The following LRRC4C variants were observed in gnomAD, a reference collection of about 807,000 sequenced individuals.
The protein encoded by LRRC4C is leucine-rich repeat-containing protein 4C.
A neutral mutation model predicts 33.6 loss-of-function variants in LRRC4C; 5 were observed. The observed-to-expected ratio is 0.15, with a 90% CI of 0.08 to 0.31. The LOEUF is 0.31. Among genes scored for constraint, LRRC4C ranks in the 10% least tolerant of loss-of-function variants. The pLI is 1.00. For synonymous variants in LRRC4C, 329 were observed against 302.0 expected, an observed-to-expected ratio of 1.09 and a Z score of -0.93; for missense variants, 560 against 796.7, an observed-to-expected ratio of 0.70 and a Z score of 3.58.
intron 3 of LRRC4C, among the ~76,000 whole-genome samples, chr11:40,525,006 G>A (rs949228347): frequency 3.3e-5 from 5 of 152,130 alleles, no homozygotes; most frequent in Non-Finnish European, 5.9e-5. Context: ...TATAAAGAAT[G>A]GGTAGTGATT....
intron 1 of LRRC4C, among the ~76,000 whole-genome samples, chr11:41,211,480 G>C (rs1325891104): frequency 2.7e-5 from 4 of 150,822 alleles, no homozygotes; most frequent in Non-Finnish European, 5.9e-5. Context: ...CCCTCCCCCT[G>C]CCCCCCATCC....
intron 3 of LRRC4C, among the ~76,000 whole-genome samples, chr11:40,500,206 T>C (rs1590928357): frequency 1.3e-5 from 2 of 149,318 alleles, no homozygotes; most frequent in Admixed American, 1.4e-4. Context: ...TGGATTATAA[T>C]GCCAATGGCA....
At chr11:41,345,835 G>A (rs929284199) in intron 1 of LRRC4C, among the ~76,000 whole-genome samples, 1 of 152,044 alleles carries the variant, frequency 6.6e-6, no homozygotes, top group African/African-American at 2.4e-5. Context: ...GCTTCCTGAT[G>A]AATTCTATAA....
chr11:40,924,441 CTAG>C (rs58367287), intron 2 of LRRC4C, among the ~76,000 whole-genome samples: 41,515 of 151,474 alleles, frequency 0.27, 5,769 homozygotes, highest in East Asian at 0.34. Flanking sequence ...TTAAAAAATA[CTAG>C]TAGTCTGGGC....
intron 1 of LRRC4C, among the ~76,000 whole-genome samples, chr11:41,282,009 T>A (rs1039198867): frequency 6.6e-6 from 1 of 152,208 alleles, no homozygotes; most frequent in Admixed American, 6.5e-5. Context: ...CCTTGGTGGA[T>A]GTGTGATGTG....
intron 1 of LRRC4C, among the ~76,000 whole-genome samples, chr11:41,235,306 C>T (rs1230894795): frequency 7.1e-6 from 1 of 140,948 alleles, no homozygotes. Flanking sequence ...GACTTACCTA[C>T]TCTCACTTCT....
intron 4 of LRRC4C, among the ~76,000 whole-genome samples, chr11:40,243,142 C>A (rs1343145733): frequency 4.6e-5 from 7 of 152,098 alleles, no homozygotes; most frequent in Non-Finnish European, 7.4e-5. Flanking sequence ...GACCTCTGGT[C>A]CATTTCCTGT....
chr11:40,561,978 T>G (rs1301478951), intron 3 of LRRC4C, among the ~76,000 whole-genome samples: 4 of 152,194 alleles, frequency 2.6e-5, no homozygotes, highest in Admixed American at 6.5e-5. Context: ...ACAACAAACA[T>G]AGTTATTAGA....
chr11:40,711,577 T>G (rs1946467608), intron 2 of LRRC4C, among the ~76,000 whole-genome samples: 1 of 152,164 alleles, frequency 6.6e-6, no homozygotes, highest in South Asian at 2.1e-4. Flanking sequence ...TAAGATTATA[T>G]TTATGTGTTA....
At chr11:40,822,740 T>G (rs1951992170) in intron 2 of LRRC4C, among the ~76,000 whole-genome samples, 1 of 151,728 alleles carries the variant, frequency 6.6e-6, no homozygotes, top group African/African-American at 2.4e-5. Flanking sequence ...CCAAAAAAAT[T>G]TGCCCAAATC....
At chr11:40,509,049 C>T (rs1259310185) in intron 3 of LRRC4C, among the ~76,000 whole-genome samples, 1 of 152,084 alleles carries the variant, frequency 6.6e-6, no homozygotes, top group Non-Finnish European at 1.5e-5. Context: ...TAAGCAGATC[C>T]ATTGAACCAG....
chr11:40,332,277 T>A (rs1045365028), intron 3 of LRRC4C, among the ~76,000 whole-genome samples: 1 of 152,186 alleles, frequency 6.6e-6, no homozygotes, highest in Non-Finnish European at 1.5e-5. Context: ...TCTTCTTGCT[T>A]TTAGTAACTC....
chr11:40,165,102 A>G (rs984770387), intron 5 of LRRC4C, among the ~76,000 whole-genome samples: 16 of 152,256 alleles, frequency 1.1e-4, no homozygotes, highest in African/African-American at 3.1e-4. Flanking sequence ...TGACAAAAGC[A>G]TGATAGCATA....
chr11:40,171,884 G>A (rs1006242724), intron 5 of LRRC4C, among the ~76,000 whole-genome samples: 1 of 151,966 alleles, frequency 6.6e-6, no homozygotes, highest in Non-Finnish European at 1.5e-5. Flanking sequence ...TTCCTCTTAT[G>A]AATATATTAG....
chr11:40,715,198 C>G (rs1161586221), intron 2 of LRRC4C, among the ~76,000 whole-genome samples: 1 of 152,014 alleles, frequency 6.6e-6, no homozygotes, highest in African/African-American at 2.4e-5. Flanking sequence ...AATAAAGAGA[C>G]CTACAATTAA....
chr11:40,676,986 T>C (rs1238211965), intron 2 of LRRC4C, among the ~76,000 whole-genome samples: 3 of 152,164 alleles, frequency 2.0e-5, no homozygotes, highest in Non-Finnish European at 4.4e-5. Context: ...CTTTTTACCA[T>C]TCCTGCCCAG....
chr11:40,469,372 G>T (rs1338702928), intron 3 of LRRC4C, among the ~76,000 whole-genome samples: 1 of 152,148 alleles, frequency 6.6e-6, no homozygotes, highest in Non-Finnish European at 1.5e-5. Flanking sequence ...TTTTCCCGTG[G>T]TCTTCGCAAC....
At chr11:41,341,200 A>G (rs1226871688) in intron 1 of LRRC4C, among the ~76,000 whole-genome samples, 2 of 152,190 alleles carry the variant, frequency 1.3e-5, no homozygotes, top group African/African-American at 4.8e-5. Flanking sequence ...GTACCAGAGA[A>G]AAAGACTGAT....
At chr11:41,272,751 T>G (rs892177816) in intron 1 of LRRC4C, among the ~76,000 whole-genome samples, 3 of 152,182 alleles carry the variant, frequency 2.0e-5, no homozygotes, top group African/African-American at 7.2e-5. Context: ...TTATTTCCCC[T>G]TCTTACTTAG....
Sources: gnomAD v4.1 joint callset for allele counts (sites outside exome capture counted in the v4.1 genomes callset) on GRCh38, gnomAD v4.1.1 for gene constraint, MANE v1.5 for transcripts, NCBI Gene and HGNC (gene_info 2026-07-23, HGNC 2026-07-21) for gene names.